The following CLPB variants were observed in gnomAD, a reference collection of about 807,000 sequenced individuals.
The protein encoded by CLPB is ClpB family mitochondrial disaggregase, also known as mitochondrial disaggregase.
Under a neutral mutation model 78.4 loss-of-function variants are expected in CLPB, and 40 were observed. The observed-to-expected ratio is 0.51, with a 90% CI of 0.40 to 0.66. The LOEUF is 0.66. Ranked by LOEUF, CLPB falls within the 30% of genes least tolerant of loss-of-function variation. The pLI, the probability that CLPB is intolerant of heterozygous loss-of-function variation, is 0.00. For missense variants in CLPB, 780 were observed against 886.9 expected, an observed-to-expected ratio of 0.88 and a Z score of 1.53; for synonymous variants, 333 against 348.0, an observed-to-expected ratio of 0.96 and a Z score of 0.48.
chr11:72,322,490 G>A (rs964901932), intron 6 of CLPB, among the ~76,000 whole-genome samples: 1 of 152,204 alleles, frequency 6.6e-6, no homozygotes, highest in African/African-American at 2.4e-5. Context: ...GGCAATGACT[G>A]ACTAAATTTT....
Position 72,308,604 on chromosome 11 carries a change from G to A in CLPB, c.989C>T (p.Ala330Val), listed in dbSNP as rs144942416. Residue 330 changes from alanine to valine, a missense_variant and splice_region_variant, in exon 8 of 16, where the codon GCG becomes GTG. Transcript: ENST00000538039. ...CCAGCCATTCTCCTTCCTCCGGATC[G>A]CTACGGCCAAACACACAAGATCAGG... Reference protein sequence around the residue: ...QESAIATVGAAIRRKENGWYD... With the variant: ...QESAIATVGAVIRRKENGWYD... The A allele has an allele frequency of 1.2e-4, 192 of 1,613,866 alleles. No homozygotes were observed. In the African/African-American group the frequency reaches 1.6e-3, roughly 14 times the overall value.
chr11:72,329,541 C>T (rs1329367071), intron 6 of CLPB, among the ~76,000 whole-genome samples, 166 bp downstream of exon 6: 1 of 152,144 alleles, frequency 6.6e-6, no homozygotes, highest in African/African-American at 2.4e-5. Flanking sequence ...TGTATTTAAA[C>T]AGATAATAAT....
chr11:72,301,720 C>A (rs1949658741), intron 11 of CLPB, 83 bp downstream of exon 11: 1 of 1,452,886 alleles, frequency 6.9e-7, no homozygotes. Context: ...ACCAGCTAGC[C>A]TCTGGGCCCT....
Position 72,287,975 on chromosome 11 carries a change from TGTTAA to T in CLPB, c.*5387_*5391del, listed in dbSNP as rs1949409946. ...TTTATTCTTTTTCTTTTTCCTACCT[TGTTAA>T]GTTTAGCTTTTATCTTTATTGGTCC... On this transcript the variant is annotated 3_prime_UTR_variant, in exon 16 of 16. Coordinates refer to ENST00000538039, the MANE Select transcript of CLPB (RefSeq NM_001258392.3). 1.3e-5 allele frequency: 2 copies of T among 152,300 alleles called. No individual in the cohort carries two copies. Among genetic ancestry groups the T allele is most frequent in the South Asian group, 2.1e-4 (1 of 4,820 alleles). 9.4% of individuals were successfully genotyped at this position (152,300 alleles called of 1,614,324 possible).
At chr11:72,402,094 T>TAA (rs756386383) in intron 3 of CLPB, among the ~76,000 whole-genome samples, 2 of 142,294 alleles carry the variant, frequency 1.4e-5, no homozygotes, top group East Asian at 2.0e-4. Context: ...CCCCTATCTT[T>TAA]AAAAAAAAAA....
chr11:72,316,524 C>T (rs1265096118), intron 7 of CLPB, among the ~76,000 whole-genome samples: 3 of 152,184 alleles, frequency 2.0e-5, no homozygotes, highest in Non-Finnish European at 4.4e-5. Flanking sequence ...AGGGCCATTA[C>T]ATTAGGGATT....
intron 2 of CLPB, among the ~76,000 whole-genome samples, chr11:72,420,272 G>C (rs1856153484): frequency 6.6e-6 from 1 of 152,168 alleles, no homozygotes; most frequent in Non-Finnish European, 1.5e-5. Context: ...AGGCCGAGGT[G>C]GGCGGATCAA....
At chr11:72,303,814 G>A (rs996830041) in intron 9 of CLPB, 2 of 152,256 alleles carry the variant, frequency 1.3e-5, no homozygotes, top group African/African-American at 4.8e-5. Context: ...ACATGTACAA[G>A]TCTCTGAGGT....
Position 72,434,185 on chromosome 11 carries a change from G to GT in CLPB, c.289dup (p.Thr97AsnfsTer96). Reference sequence around the variant, plus strand: ...GTTCCAGCTGTCCTGTCCTGGGAGTGTTTCTTCGGGACCAGGAAGGCGTCC... The same window carrying GT: ...GTTCCAGCTGTCCTGTCCTGGGAGTGTTTTCTTCGGGACCAGGAAGGCGTCC... On this transcript the variant is annotated frameshift_variant, in exon 1 of 16. Transcript: ENST00000538039. LOFTEE classifies it high-confidence loss of function. 6.2e-7 allele frequency: 1 copy of GT among 1,613,420 alleles called. No homozygotes were observed. Among genetic ancestry groups the GT allele is most frequent in the East Asian group, 2.2e-5 (1 of 44,874 alleles).
intron 3 of CLPB, among the ~76,000 whole-genome samples, chr11:72,397,607 C>T (rs911689057): frequency 1.3e-5 from 2 of 152,140 alleles, no homozygotes; most frequent in Admixed American, 1.3e-4. Context: ...TGAATTTGCA[C>T]TGAGTATGTT....
rs187178019 is a variant in CLPB at position 72,367,406 on chromosome 11, C to T, written c.647-8398G>A. On this transcript the variant is annotated intron_variant, in intron 4 of 15. Transcript: ENST00000538039. ...CTTGAAATCCTGACCTCAAGTTATCCGCCTGCTTTGGCCTACCAAAGTGCT... is the reference window on the plus strand; with the variant it reads ...CTTGAAATCCTGACCTCAAGTTATCTGCCTGCTTTGGCCTACCAAAGTGCT... 6.5e-4 allele frequency among the ~76,000 whole-genome samples: 99 copies of T among 152,290 alleles called. 2 individuals are homozygous for T. Among genetic ancestry groups the T allele is most frequent in the Admixed American group, 7.8e-4 (12 of 15,288 alleles).
intron 6 of CLPB, among the ~76,000 whole-genome samples, chr11:72,323,581 AAAGTCAAG>A (rs1950081863): frequency 6.6e-6 from 1 of 151,960 alleles, no homozygotes; most frequent in Admixed American, 6.6e-5. Context: ...AAAAAAAAAA[AAAGTCAAG>A]GTCATAAAAG....
chr11:72,322,788 G>T (rs1201624624), intron 6 of CLPB, among the ~76,000 whole-genome samples: 1 of 152,094 alleles, frequency 6.6e-6, no homozygotes, highest in Non-Finnish European at 1.5e-5. Context: ...AAAGTATCTT[G>T]TGGGGAGAGA....
chr11:72,295,151 T>G (rs1333455336), intron 12 of CLPB, among the ~76,000 whole-genome samples: 1 of 152,220 alleles, frequency 6.6e-6, no homozygotes, highest in Non-Finnish European at 1.5e-5. Flanking sequence ...TGCTGTCCCC[T>G]TCTTGCACCA....
intron 2 of CLPB, among the ~76,000 whole-genome samples, chr11:72,410,466 T>A (rs1214897062): frequency 6.6e-6 from 1 of 152,146 alleles, no homozygotes; most frequent in Non-Finnish European, 1.5e-5. Context: ...TATGTAAAAA[T>A]ACTTGGGATG....
In CLPB at chr11:72,292,737, G is replaced by A. The variant is rs1949471940; in HGVS notation, c.*630C>T. 1 of 153,246 alleles carries A rather than the reference G, an allele frequency of 6.5e-6. No homozygotes were observed. Among genetic ancestry groups the A allele is most frequent in the Non-Finnish European group, 1.5e-5 (1 of 68,816 alleles). 9.5% of individuals were successfully genotyped at this position (153,246 alleles called of 1,614,324 possible). ...CCCAAGGCTGACGAAACATGGTCTGGCCTGACCCCAGGACGTGGGGTGAGG... is the reference window on the plus strand; with the variant it reads ...CCCAAGGCTGACGAAACATGGTCTGACCTGACCCCAGGACGTGGGGTGAGG... On this transcript the variant is annotated 3_prime_UTR_variant, in exon 16 of 16. Transcript: ENST00000538039.
At chr11:72,379,215 T>G (rs1021888078) in intron 4 of CLPB, among the ~76,000 whole-genome samples, 2 of 152,022 alleles carry the variant, frequency 1.3e-5, no homozygotes, top group Non-Finnish European at 2.9e-5. Flanking sequence ...TGGCTGAATT[T>G]CCCCCAGCGT....
At chr11:72,301,544 C>T (rs947152672) in intron 11 of CLPB, among the ~76,000 whole-genome samples, 1 of 152,204 alleles carries the variant, frequency 6.6e-6, no homozygotes, top group East Asian at 1.9e-4. Flanking sequence ...GCACCTCTGC[C>T]ATACCATGTC....
intron 3 of CLPB, among the ~76,000 whole-genome samples, chr11:72,392,992 TAAG>T (rs1855298863): frequency 6.6e-6 from 1 of 152,148 alleles, no homozygotes; most frequent in South Asian, 2.1e-4. Context: ...CTAGCTGGGA[TAAG>T]AAGGAGTCTG....
Sources: gnomAD v4.1 joint callset for allele counts (sites outside exome capture counted in the v4.1 genomes callset) on GRCh38, gnomAD v4.1.1 for gene constraint, MANE v1.5 for transcripts, NCBI Gene and HGNC (gene_info 2026-07-23, HGNC 2026-07-21) for gene names.